Variants in CCDC39 observed in about 807,000 individuals in gnomAD.
CCDC39 encodes coiled-coil domain 39 molecular ruler complex subunit.
A neutral mutation model predicts 121.0 loss-of-function variants in CCDC39; 113 were observed. That is an observed-to-expected ratio of 0.93 (90% CI 0.80 to 1.09). CCDC39 has a LOEUF of 1.09. CCDC39 is among the 50% of genes least tolerant of loss of function. The pLI is 0.00. For synonymous variants in CCDC39, 349 were observed against 352.2 expected (o/e 0.99, Z 0.10); for missense variants, 1,063 against 1,074.7 (o/e 0.99, Z 0.15).
At position 180,667,709 on chromosome 3, in the gene CCDC39, A is replaced by G. The variant is rs572863489; in HGVS notation, c.91-3723T>C. ...GAAACACAATATTGAAATTAGGCCA[A>G]TTAATAACCTTGCGATGGCCTCTAT... On this transcript the variant is annotated intron_variant, in intron 1 of 19. Coordinates refer to ENST00000476379, the MANE Select transcript of CCDC39 (RefSeq NM_181426.2). Among the ~76,000 whole-genome samples the G allele has an allele frequency of 4.6e-5, 7 of 152,274 alleles. No homozygotes were observed. The South Asian group carries it at 1.0e-3, about 23-fold the overall frequency.
At chr3:180,621,642 T>C (rs1354418667) in intron 14 of CCDC39, among the ~76,000 whole-genome samples, 1 of 152,076 alleles carries the variant, frequency 6.6e-6, no homozygotes, top group Non-Finnish European at 1.5e-5. Flanking sequence ...AAATTGTGTG[T>C]CATGGAGGTT....
intron 1 of CCDC39, among the ~76,000 whole-genome samples, chr3:180,675,544 G>A (rs1395083788): frequency 6.6e-6 from 1 of 152,030 alleles, no homozygotes; most frequent in East Asian, 1.9e-4. Context: ...GTTTGCTCTT[G>A]CTTCTCTAGT....
At chr3:180,624,210 T>C (rs1560081852) in intron 14 of CCDC39, among the ~76,000 whole-genome samples, 1 of 152,184 alleles carries the variant, frequency 6.6e-6, no homozygotes, top group East Asian at 1.9e-4. Context: ...TGATTTAATA[T>C]CTCTTTTATC....
At position 180,648,307 on chromosome 3, in the gene CCDC39, T is replaced by C; in HGVS notation, c.1220A>G (p.Gln407Arg). The C allele has an allele frequency of 6.2e-7, 1 of 1,609,916 alleles. No homozygotes were observed. The highest frequency in any genetic ancestry group is 8.5e-7 in the Non-Finnish European group (1 of 1,178,302). Residue 407 changes from glutamine to arginine, a missense_variant, in exon 10 of 20, where the codon CAG (glutamine) becomes CGG (arginine). Transcript: ENST00000476379. Reference protein sequence around the residue: ...LIKGVLFKKAQELQTETMKEK... With the variant: ...LIKGVLFKKARELQTETMKEK... ...TTTCATTGTCTCAGTCTGTAACTCC[T>C]GAGCTTTCTTAAACAGCACACCTTT...
chr3:180,617,495 C>T lies in CCDC39; in HGVS notation c.2266-529G>A, dbSNP rs371177319. ...ATGACAGCTCCATTCATGTTACTGA[C>T]CCTGAAGACCTTCAAGTGGGACAAG... On this transcript the variant is annotated intron_variant, in intron 16 of 19. Coordinates refer to ENST00000476379, the MANE Select transcript of CCDC39 (RefSeq NM_181426.2). The T allele has an allele frequency of 1.5e-4, 100 of 674,744 alleles. No individual in the cohort carries two copies. The East Asian group carries it at 1.5e-3, about 10-fold the overall frequency. 41.8% of individuals were successfully genotyped at this position (674,744 alleles called of 1,614,324 possible).
At chr3:180,673,371 C>A (rs749995649) in intron 1 of CCDC39, among the ~76,000 whole-genome samples, 2 of 152,142 alleles carry the variant, frequency 1.3e-5, no homozygotes, top group African/African-American at 2.4e-5. Flanking sequence ...ATTGGCACAG[C>A]CACTTGAACC....
At position 180,679,218 on chromosome 3, in the gene CCDC39, G is replaced by A. The variant is rs1712321849; in HGVS notation, c.90+73C>T. The A allele has an allele frequency of 9.3e-7, 1 of 1,080,076 alleles. No individual in the cohort carries two copies. Among genetic ancestry groups the A allele is most frequent in the Non-Finnish European group, 1.4e-6 (1 of 692,422 alleles). 66.9% of individuals were successfully genotyped at this position (1,080,076 alleles called of 1,614,324 possible). A position where few individuals can be genotyped will look rare whatever the true frequency, so the allele number is the denominator to read the frequency against. On this transcript the variant is annotated intron_variant, in intron 1 of 19. Coordinates refer to ENST00000476379, the MANE Select transcript of CCDC39 (RefSeq NM_181426.2). This position sits in a 1 kb window ranked among gnomAD's most constrained non-coding sequence, Gnocchi z 4.0. ...AAAGGAGAGAAATAAAAGGGCTGGGGTAGTACTGCCAACCAGAAAACGCCC... is the reference window on the plus strand; with the variant it reads ...AAAGGAGAGAAATAAAAGGGCTGGGATAGTACTGCCAACCAGAAAACGCCC...
intron 16 of CCDC39, among the ~76,000 whole-genome samples, chr3:180,618,510 A>T (rs987030672): frequency 1.3e-4 from 19 of 151,886 alleles, no homozygotes; most frequent in Admixed American, 5.3e-4. Context: ...GCACCCATTA[A>T]CTTGTCATTT....
At chr3:180,663,390 G>A (rs1202027569) in intron 2 of CCDC39, among the ~76,000 whole-genome samples, 1 of 151,986 alleles carries the variant, frequency 6.6e-6, no homozygotes, top group East Asian at 1.9e-4. Flanking sequence ...CTTTCATATG[G>A]ATTAATTTTT....
chr3:180,632,880 C>G (rs1251977408), intron 13 of CCDC39, among the ~76,000 whole-genome samples: 1 of 152,190 alleles, frequency 6.6e-6, no homozygotes, highest in Non-Finnish European at 1.5e-5. Flanking sequence ...CCCTCAACCC[C>G]TCAAAACATA....
intron 1 of CCDC39, among the ~76,000 whole-genome samples, chr3:180,678,329 G>A (rs1482365025): frequency 2.0e-5 from 3 of 152,074 alleles, no homozygotes; most frequent in Non-Finnish European, 4.4e-5. Context: ...CATTTCCATT[G>A]TTTTCAAAAG....
intron 14 of CCDC39, among the ~76,000 whole-genome samples, chr3:180,627,542 C>T (rs1055457841): frequency 5.3e-5 from 8 of 152,262 alleles, no homozygotes; most frequent in Admixed American, 5.2e-4. Context: ...TGATATATCT[C>T]TCAAAAGTCT....
chr3:180,627,041 CAG>C (rs1295726948), intron 14 of CCDC39, among the ~76,000 whole-genome samples: 3 of 151,992 alleles, frequency 2.0e-5, no homozygotes, highest in Non-Finnish European at 4.4e-5. Context: ...GGCCCATGGC[CAG>C]AGAGGTTGTG....
intron 6 of CCDC39, among the ~76,000 whole-genome samples, chr3:180,658,281 T>C (rs1711636707): frequency 7.8e-6 from 1 of 128,982 alleles, no homozygotes; most frequent in Admixed American, 8.1e-5. Flanking sequence ...AAGAACCTCC[T>C]TAAAAAAAAA....
At chr3:180,617,427 G>A in intron 16 of CCDC39, 1 of 675,204 alleles carries the variant, frequency 1.5e-6, no homozygotes, top group Non-Finnish European at 2.7e-6. Flanking sequence ...GCCTCAGGCA[G>A]GTCCTTCAGG....
intron 14 of CCDC39, among the ~76,000 whole-genome samples, chr3:180,629,894 T>G (rs1458604366): frequency 1.3e-5 from 2 of 152,206 alleles, no homozygotes; most frequent in Non-Finnish European, 1.5e-5. Context: ...ATAAAACTTG[T>G]CTGTGTTCCT....
At chr3:180,650,420 C>G (rs1718172101) in intron 9 of CCDC39, among the ~76,000 whole-genome samples, 1 of 152,074 alleles carries the variant, frequency 6.6e-6, no homozygotes, top group South Asian at 2.1e-4. Flanking sequence ...CAGTGATAAT[C>G]ATGTAGAAAT....
chr3:180,678,512 T>G (rs1158756964), intron 1 of CCDC39, among the ~76,000 whole-genome samples: 3 of 152,108 alleles, frequency 2.0e-5, no homozygotes, highest in Admixed American at 1.3e-4. Flanking sequence ...ATTTTTTTAT[T>G]TTTTCGTAGA....
At chr3:180,677,321 A>T (rs1220271375) in intron 1 of CCDC39, among the ~76,000 whole-genome samples, 2 of 149,506 alleles carry the variant, frequency 1.3e-5, no homozygotes, top group Non-Finnish European at 3.0e-5. Flanking sequence ...TAAACTGAAT[A>T]AAAGTGACTG....
Sources: gnomAD v4.1 joint callset for allele counts (sites outside exome capture counted in the v4.1 genomes callset) on GRCh38, gnomAD v4.1.1 for gene constraint, Gnocchi (gnomAD v3.1) non-coding constraint, MANE v1.5 for transcripts, NCBI Gene and HGNC (gene_info 2026-07-23, HGNC 2026-07-21) for gene names.